Variants in GPC6 observed in about 807,000 individuals in gnomAD.
The protein encoded by GPC6 is glypican-6.
A neutral mutation model predicts 55.2 loss-of-function variants in GPC6; 14 were observed. The observed-to-expected ratio is 0.25, with a 90% CI of 0.17 to 0.40. The LOEUF is 0.40. GPC6 is among the 10% of genes least tolerant of loss of function. GPC6 has a pLI of 1.00. For synonymous variants in GPC6, 278 were observed against 259.6 expected, an observed-to-expected ratio of 1.07 and a Z score of -0.68; for missense variants, 641 against 708.5, an observed-to-expected ratio of 0.90 and a Z score of 1.08.
rs568298693 is a variant in GPC6 at position 94,164,166 on chromosome 13, G to C, written c.878-122183G>C. On this transcript the variant is annotated intron_variant, in intron 4 of 8. Coordinates refer to ENST00000377047, the MANE Select transcript of GPC6 (RefSeq NM_005708.5). ...CTTGAAAAAACAGCTTGACAACTTTGAATACTCGTTTTATATTATCTATAA... is the reference window on the plus strand; with the variant it reads ...CTTGAAAAAACAGCTTGACAACTTTCAATACTCGTTTTATATTATCTATAA... 2.0e-5 allele frequency among the ~76,000 whole-genome samples: 3 copies of C among 152,210 alleles called. No individual in the cohort carries two copies. In the East Asian group the frequency reaches 5.8e-4, roughly 29 times the overall value.
chr13:94,003,286 C>G (rs1240943080), intron 3 of GPC6, among the ~76,000 whole-genome samples: 1 of 152,128 alleles, frequency 6.6e-6, no homozygotes, highest in Non-Finnish European at 1.5e-5. Context: ...AAATTGAGCA[C>G]ATAGTCTAAT....
chr13:93,916,196 C>T (rs1366582397), intron 3 of GPC6, among the ~76,000 whole-genome samples: 1 of 152,152 alleles, frequency 6.6e-6, no homozygotes, highest in Non-Finnish European at 1.5e-5. Context: ...CTTGATTCCT[C>T]AGTCGCCTTG....
intron 2 of GPC6, among the ~76,000 whole-genome samples, chr13:93,799,278 T>G (rs546208906): frequency 1.3e-5 from 2 of 152,330 alleles, no homozygotes; most frequent in African/African-American, 4.8e-5. Flanking sequence ...ATTGGCTTCA[T>G]GAACTCCCCC....
At chr13:93,775,033 C>G (rs1885422323) in intron 2 of GPC6, among the ~76,000 whole-genome samples, 1 of 152,074 alleles carries the variant, frequency 6.6e-6, no homozygotes, top group Non-Finnish European at 1.5e-5. Context: ...ACACAGATGC[C>G]CAGAGATCTT....
rs1407382967 is a variant in GPC6 at position 94,392,694 on chromosome 13, CG to C, written c.1290-5771del. ...TCCACCCTCTTGGTCAGGCTGGTCTCGAACTCTCGACCTCAGGTGATCCACC... is the reference window on the plus strand; with the variant it reads ...TCCACCCTCTTGGTCAGGCTGGTCTCAACTCTCGACCTCAGGTGATCCACC... On this transcript the variant is annotated intron_variant, in intron 7 of 8. Transcript: ENST00000377047. Among the ~76,000 whole-genome samples the C allele has an allele frequency of 2.4e-5, 3 of 127,520 alleles. 1 individual carries two copies. The highest frequency in any genetic ancestry group is 4.7e-4 in the East Asian group (2 of 4,230). 83.7% of individuals were successfully genotyped at this position (127,520 alleles called of 152,430 possible). A position where few individuals can be genotyped will look rare whatever the true frequency, so the allele number is the denominator to read the frequency against.
intron 2 of GPC6, among the ~76,000 whole-genome samples, chr13:93,789,918 T>A (rs1042703826): frequency 3.3e-5 from 5 of 151,872 alleles, no homozygotes; most frequent in African/African-American, 1.2e-4. Flanking sequence ...GCCCACAGCA[T>A]CAAATAAAAA....
chr13:93,867,267 C>T (rs547446464), intron 3 of GPC6, among the ~76,000 whole-genome samples: 1 of 151,816 alleles, frequency 6.6e-6, no homozygotes, highest in African/African-American at 2.4e-5. Context: ...GAACATTTTA[C>T]AGTTGGTTTA....
At chr13:93,582,462 G>A (rs542448445) in intron 2 of GPC6, among the ~76,000 whole-genome samples, 1 of 152,264 alleles carries the variant, frequency 6.6e-6, no homozygotes, top group Admixed American at 6.5e-5. Context: ...AGGCTACAAT[G>A]TAGATTATTA....
In GPC6 at chr13:94,110,459, C is replaced by G. The variant is rs985206290; in HGVS notation, c.877+82565C>G. Among the ~76,000 whole-genome samples the G allele has an allele frequency of 2.0e-5, 3 of 151,928 alleles. No homozygotes were observed. In the South Asian group the frequency reaches 6.2e-4, roughly 32 times the overall value. On this transcript the variant is annotated intron_variant, in intron 4 of 8. Transcript: ENST00000377047. ...GGACTGTGTGAGGTTGAAAATGGGG[C>G]CGAAGGGAGATCTTGAGGCAAGTAG... is the stretch of plus-strand genomic sequence containing the variant.
At position 94,014,663 on chromosome 13, in the gene GPC6, G is replaced by A. The variant is rs558820954; in HGVS notation, c.712-13066G>A. Reference sequence around the variant, plus strand: ...AAAAGAAAACTTAGGCCCATCAGCAGTCATTCTCCAGCCCCCACACCTGCT... The same window carrying A: ...AAAAGAAAACTTAGGCCCATCAGCAATCATTCTCCAGCCCCCACACCTGCT... On this transcript the variant is annotated intron_variant, in intron 3 of 8. Transcript: ENST00000377047. Among the ~76,000 whole-genome samples the A allele has an allele frequency of 2.0e-5, 3 of 152,204 alleles. No homozygotes were observed. In the East Asian group the frequency reaches 5.8e-4, roughly 29 times the overall value.
chr13:93,958,513 TG>T (rs1225205544), intron 3 of GPC6, among the ~76,000 whole-genome samples: 1 of 152,176 alleles, frequency 6.6e-6, no homozygotes, highest in East Asian at 1.9e-4. Flanking sequence ...TATAAATGTT[TG>T]GCTTTATTTC....
Position 93,739,432 on chromosome 13 carries a change from ATT to A in GPC6, c.320-90708_320-90707del, listed in dbSNP as rs200253767. ...TTTTATTTCTTAATTCTTCAAATAC[ATT>A]TTTTTTTTTTTTTGAGACGGAGTCT... On this transcript the variant is annotated intron_variant, in intron 2 of 8. Transcript: ENST00000377047. Among the ~76,000 whole-genome samples the A allele has an allele frequency of 9.1e-5, 13 of 142,426 alleles. No individual in the cohort carries two copies. The East Asian group carries it at 1.3e-3, about 14-fold the overall frequency. The allele number at this position is 142,426 out of a possible 152,430, so 93.4% of individuals were successfully genotyped here.
intron 1 of GPC6, among the ~76,000 whole-genome samples, chr13:93,386,029 A>C (rs1875384928): frequency 6.6e-6 from 1 of 150,740 alleles, no homozygotes; most frequent in African/African-American, 2.4e-5. Flanking sequence ...GCTGTTCCTC[A>C]GTCCCTGAAA....
At chr13:93,965,105 TG>T (rs376216701) in intron 3 of GPC6, among the ~76,000 whole-genome samples, 1,719 of 107,254 alleles carry the variant, frequency 0.016, 101 homozygotes, top group African/African-American at 0.053. Context: ...ACTATGAGTT[TG>T]TTTTTTTTTT....
At chr13:94,177,394 G>C (rs1217552018) in intron 4 of GPC6, among the ~76,000 whole-genome samples, 1 of 151,128 alleles carries the variant, frequency 6.6e-6, no homozygotes, top group African/African-American at 2.4e-5. Context: ...ACTTTTAAAA[G>C]CATGATACGT....
intron 1 of GPC6, among the ~76,000 whole-genome samples, chr13:93,330,301 G>A (rs1360059149): frequency 6.6e-6 from 1 of 152,176 alleles, no homozygotes; most frequent in Non-Finnish European, 1.5e-5. Context: ...AGGGTAGGAG[G>A]ACTGCTTGAG....
In GPC6 at chr13:93,569,882, G is replaced by A. The variant is rs1049546489; in HGVS notation, c.319+24461G>A. On this transcript the variant is annotated intron_variant, in intron 2 of 8. Coordinates refer to ENST00000377047, the MANE Select transcript of GPC6 (RefSeq NM_005708.5). ...AAATTAAGATATCTTGTGTAAGTGC[G>A]TGTGTTTGAATTACCTTCAAAATAT... 4.6e-5 allele frequency among the ~76,000 whole-genome samples: 7 copies of A among 151,988 alleles called. No individual in the cohort carries two copies. In the South Asian group the frequency reaches 6.2e-4, roughly 14 times the overall value.
intron 2 of GPC6, among the ~76,000 whole-genome samples, chr13:93,640,714 TCCTCCCCACTTTCCTTCCCTCCC>T (rs1233321919): frequency 3.4e-4 from 3 of 8,758 alleles, no homozygotes; most frequent in African/African-American, 6.0e-4. Context: ...CAGTCCTCCC[TCCTCCCCACTTTCCTTCCCTCCC>T]TCCTCCCCAC....
chr13:93,682,835 C>G (rs1881898828), intron 2 of GPC6, among the ~76,000 whole-genome samples: 1 of 134,416 alleles, frequency 7.4e-6, no homozygotes, highest in Non-Finnish European at 1.6e-5. Context: ...TGGCAAAACC[C>G]TGTCTCTACA....
Sources: gnomAD v4.1 joint callset for allele counts (sites outside exome capture counted in the v4.1 genomes callset) on GRCh38, gnomAD v4.1.1 for gene constraint, MANE v1.5 for transcripts, NCBI Gene and HGNC (gene_info 2026-07-23, HGNC 2026-07-21) for gene names.